SLC19A3: variants seen among roughly 807,000 people sequenced by gnomAD.
The protein encoded by SLC19A3 is solute carrier family 19 member 3, also known as thiamine transporter 2.
A neutral mutation model predicts 40.2 loss-of-function variants in SLC19A3; 31 were observed. That is an observed-to-expected ratio of 0.77 (90% confidence interval 0.58 to 1.04). SLC19A3 has a LOEUF of 1.04. Ranked by LOEUF, SLC19A3 falls within the 50% of genes least tolerant of loss-of-function variation. The probability of loss-of-function intolerance (pLI) is 0.00; values close to 1 mark genes in which losing one functional copy is unlikely to be tolerated. For synonymous variants in SLC19A3, 212 were observed against 227.5 expected (o/e 0.93, Z 0.61); for missense variants, 592 against 596.7 (o/e 0.99, Z 0.08).
chr2:227,701,032 C>A (rs1269561727), intron 2 of SLC19A3: 1 of 1,304,304 alleles, frequency 7.7e-7, no homozygotes, highest in East Asian at 5.5e-5. Flanking sequence ...GCTCGAGAAG[C>A]AGAACCCAGT....
intron 1 of SLC19A3, among the ~76,000 whole-genome samples, chr2:227,706,161 T>G (rs1695933146): frequency 6.6e-6 from 1 of 152,202 alleles, no homozygotes; most frequent in South Asian, 2.1e-4. Context: ...AAAGTATTAT[T>G]CTGGAATAGA....
At position 227,685,030 on chromosome 2, in the gene SLC19A3, C is replaced by T. The variant is rs1226413497; in HGVS notation, c.*2367G>A. The T allele has an allele frequency of 2.0e-5, 3 of 148,384 alleles. No homozygotes were observed. Among genetic ancestry groups the T allele is most frequent in the Non-Finnish European group, 4.5e-5 (3 of 67,218 alleles). The allele number at this position is 148,384 out of a possible 1,614,324, so 9.2% of individuals were successfully genotyped here. On this transcript the variant is annotated 3_prime_UTR_variant, in exon 6 of 6. Coordinates refer to ENST00000644224, the MANE Select transcript of SLC19A3 (RefSeq NM_025243.4). ...AGAAGAAGAAGAAAAAGAATAGCGG[C>T]CATTCCTTCCTTGCCTTTAATGTAA...
In SLC19A3 at chr2:227,703,175, T is replaced by C. The variant is rs1352223072; in HGVS notation, c.-2-855A>G. On this transcript the variant is annotated intron_variant, in intron 1 of 5. Coordinates refer to ENST00000644224, the MANE Select transcript of SLC19A3 (RefSeq NM_025243.4). This position sits in a 1 kb window ranked among gnomAD's most constrained non-coding sequence, Gnocchi z 4.7. The stretch of plus-strand genomic sequence containing the variant: ...ACCACAGTGAGGGAAAAAACGTGTA[T>C]TTATAAACACATTCACACTAAAGAT... Among the ~76,000 whole-genome samples the C allele has an allele frequency of 1.3e-5, 2 of 152,242 alleles. No homozygotes were observed. The highest frequency in any genetic ancestry group is 6.5e-5 in the Admixed American group (1 of 15,278).
chr2:227,699,733 A>T (rs1695603537), intron 2 of SLC19A3, among the ~76,000 whole-genome samples, 169 bp from the exon 3 acceptor site: 1 of 152,354 alleles, frequency 6.6e-6, no homozygotes, highest in African/African-American at 2.4e-5. Flanking sequence ...CTCCTTTCCC[A>T]TTGGTAAAAA....
At position 227,699,028 on chromosome 2, in the gene SLC19A3, T is replaced by C; in HGVS notation, c.687A>G (p.Glu229=). 1 of 1,614,248 alleles carries C rather than the reference T, an allele frequency of 6.2e-7. No homozygotes were observed. The highest frequency in any genetic ancestry group is 8.5e-7 in the Non-Finnish European group (1 of 1,180,038). The change falls in exon 3 of 6, where the codon GAA becomes GAG. Residue 229 remains glutamate, a synonymous_variant. Transcript: ENST00000644224. ...GTATTTCTGATGTGGGTTTCTGCTC[T>C]TCACAGCCTGGTGCTTCACCTTCGT... The part of the protein sequence containing the change: ...ETHEGEAPGC[E]EQKPTSEILS...
intron 1 of SLC19A3, among the ~76,000 whole-genome samples, chr2:227,714,893 C>G (rs1696279979): frequency 6.7e-6 from 1 of 148,198 alleles, no homozygotes; most frequent in Non-Finnish European, 1.5e-5. Context: ...TCTCCCCACT[C>G]ACCGCAACCA....
At position 227,702,481 on chromosome 2, in the gene SLC19A3, C is replaced by T. The variant is rs190257269; in HGVS notation, c.-2-161G>A. Reference sequence around the variant, plus strand: ...TGATCTCAGCCCATTGCAACCTGTGCCTCCCGGGCTCAAGCCATTCTCCTG... The same window carrying T: ...TGATCTCAGCCCATTGCAACCTGTGTCTCCCGGGCTCAAGCCATTCTCCTG... On this transcript the variant is annotated intron_variant, in intron 1 of 5. Coordinates refer to ENST00000644224, the MANE Select transcript of SLC19A3 (RefSeq NM_025243.4). 3.7e-4 allele frequency: 250 copies of T among 671,844 alleles called. 1 individual carries two copies. In the East Asian group the frequency reaches 6.3e-3, roughly 17 times the overall value. 41.6% of individuals were successfully genotyped at this position (671,844 alleles called of 1,614,324 possible).
Position 227,702,309 on chromosome 2 carries a change from A to G in SLC19A3, c.10T>C (p.Tyr4His). 1 of 1,614,096 alleles carries G rather than the reference A, an allele frequency of 6.2e-7. No homozygotes were observed. The highest frequency in any genetic ancestry group is 1.7e-5 in the Admixed American group (1 of 60,008). The change falls in exon 2 of 6, where the codon TAC becomes CAC. Residue 4 changes from tyrosine to histidine, a missense_variant. Tyr to His is a moderately conservative substitution (Grantham distance 83). Transcript: ENST00000644224. ...CAGGAACTGCTTAGTGAAGTTCTGT[A>G]ACAATCCATGGCTGATCAAATGGAA... MDC[Y>H]RTSLSSSWIY...
In SLC19A3 at chr2:227,687,392, T is replaced by C. The variant is rs377323228; in HGVS notation, c.*5A>G. The C allele has an allele frequency of 3.5e-5, 55 of 1,593,894 alleles. No homozygotes were observed. Among genetic ancestry groups the C allele is most frequent in the South Asian group, 6.8e-5 (6 of 88,376 alleles). ...AAAGCCACTGTTGCGTTTGTTGCGA[T>C]GAGGTTAGAGTTTTGTTGACATGAT... On this transcript the variant is annotated 3_prime_UTR_variant, in exon 6 of 6. Transcript: ENST00000644224.
chr2:227,717,866 GAAGA>G, intron 1 of SLC19A3, 73 bp downstream of exon 1: 1 of 973,556 alleles, frequency 1.0e-6, no homozygotes, highest in Non-Finnish European at 1.2e-6. Flanking sequence ...CCAAACCCGG[GAAGA>G]GAGAGGCGAC....
In SLC19A3 at chr2:227,703,573, C is replaced by T. The variant is rs1421925158; in HGVS notation, c.-2-1253G>A. 1.3e-5 allele frequency among the ~76,000 whole-genome samples: 2 copies of T among 152,154 alleles called. No homozygotes were observed. The highest frequency in any genetic ancestry group is 2.9e-5 in the Non-Finnish European group (2 of 68,028). ...CAATGCTGACAATGTGAAAATTTTG[C>T]CAAAGGCAAATTACAGTGACTGTTA... On this transcript the variant is annotated intron_variant, in intron 1 of 5. Coordinates refer to ENST00000644224, the MANE Select transcript of SLC19A3 (RefSeq NM_025243.4). This position sits in a 1 kb window ranked among gnomAD's most constrained non-coding sequence, Gnocchi z 4.7.
chr2:227,706,164 G>C (rs1695933288), intron 1 of SLC19A3, among the ~76,000 whole-genome samples: 1 of 152,048 alleles, frequency 6.6e-6, no homozygotes, highest in Non-Finnish European at 1.5e-5. Flanking sequence ...GTATTATTCT[G>C]GAATAGACTG....
At chr2:227,695,519 C>T (rs529234643) in intron 4 of SLC19A3, 4 of 248,138 alleles carry the variant, frequency 1.6e-5, no homozygotes, top group Non-Finnish European at 3.2e-5. Flanking sequence ...GGGGACTCAC[C>T]TGAGCCTGGG....
At chr2:227,692,684 C>T (rs981838567) in intron 4 of SLC19A3, among the ~76,000 whole-genome samples, 1 of 152,126 alleles carries the variant, frequency 6.6e-6, no homozygotes, top group African/African-American at 2.4e-5. Context: ...TTCAACATAG[C>T]ACTGGAAGTC....
rs753834602 is a variant in SLC19A3, at chr2:227,695,857, G to C, written c.1172+32C>G. The C allele has an allele frequency of 8.1e-6, 13 of 1,597,016 alleles. No individual in the cohort carries two copies. In the Admixed American group the frequency reaches 2.2e-4, roughly 27 times the overall value. Reference sequence around the variant, plus strand: ...GAAAGACAGAAGAGAGAGGAATACAGTTCAGTTTTAGGAGTGGTTGGTAAA... The same window carrying C: ...GAAAGACAGAAGAGAGAGGAATACACTTCAGTTTTAGGAGTGGTTGGTAAA... On this transcript the variant is annotated intron_variant, in intron 4 of 5. Coordinates refer to ENST00000644224, the MANE Select transcript of SLC19A3 (RefSeq NM_025243.4).
chr2:227,697,064 AAAAT>A (rs1695465995), intron 3 of SLC19A3, among the ~76,000 whole-genome samples: 1 of 152,184 alleles, frequency 6.6e-6, no homozygotes, highest in Admixed American at 6.5e-5. Context: ...GACTCTGTCT[AAAAT>A]AAATAAATAA....
At chr2:227,717,326 T>C (rs1666536258) in intron 1 of SLC19A3, among the ~76,000 whole-genome samples, 4 of 152,140 alleles carry the variant, frequency 2.6e-5, no homozygotes, top group African/African-American at 7.2e-5. Context: ...GAAAACATTA[T>C]TCCTTTACCT....
intron 1 of SLC19A3, among the ~76,000 whole-genome samples, chr2:227,705,801 C>T (rs1695911398): frequency 6.6e-6 from 1 of 152,062 alleles, no homozygotes; most frequent in Admixed American, 6.6e-5. Context: ...CAGCAAACCA[C>T]CATGGCAAAC....
chr2:227,716,205 T>C (rs1222881526), intron 1 of SLC19A3, among the ~76,000 whole-genome samples: 1 of 152,194 alleles, frequency 6.6e-6, no homozygotes, highest in East Asian at 1.9e-4. Context: ...CAAATAAGGT[T>C]TATCCCATGA....
Sources: allele counts gnomAD v4.1 joint callset (sites outside exome capture counted in the v4.1 genomes callset), GRCh38; gene constraint gnomAD v4.1.1; non-coding constraint Gnocchi (gnomAD v3.1); transcripts MANE v1.5; gene names NCBI Gene and HGNC (gene_info 2026-07-23, HGNC 2026-07-21).